Variants in DDB1 observed in about 807,000 individuals in gnomAD.
The protein encoded by DDB1 is DNA damage-binding protein 1.
A neutral mutation model predicts 133.1 loss-of-function variants in DDB1; 18 were observed. The observed-to-expected ratio is 0.14, with a 90% confidence interval of 0.09 to 0.20. DDB1 has a LOEUF of 0.20. DDB1 is among the 10% of genes least tolerant of loss of function. The pLI, the probability that DDB1 is intolerant of heterozygous loss-of-function variation, is 1.00. For synonymous variants in DDB1, 580 were observed against 550.5 expected (o/e 1.05, Z -0.75); for missense variants, 828 against 1,459.2 (o/e 0.57, Z 7.05).
chr11:61,327,784 A>T (rs1856293050), intron 4 of DDB1, among the ~76,000 whole-genome samples: 2 of 152,238 alleles, frequency 1.3e-5, no homozygotes, highest in Admixed American at 6.5e-5. Context: ...AGCCAGTGGA[A>T]GACAGCTTCA....
At chr11:61,332,019 C>G (rs1590703717) in intron 1 of DDB1, 1 of 212,924 alleles carries the variant, frequency 4.7e-6, no homozygotes, top group African/African-American at 2.3e-5. Context: ...CAGTGGCAGG[C>G]TCTAATTGAG....
In DDB1 at chr11:61,313,625, T is replaced by G; in HGVS notation, c.1943A>C (p.Asn648Thr). The G allele has an allele frequency of 1.9e-6, 3 of 1,613,990 alleles. No individual in the cohort carries two copies. The highest frequency in any genetic ancestry group is 1.7e-6 in the Non-Finnish European group (2 of 1,179,994). Residue 648 changes from asparagine to threonine, a missense_variant, in exon 16 of 27, where the codon AAC becomes ACC. By Grantham distance (65) the Asn-to-Thr change is moderately conservative. Around this residue, in one of 7 missense-constraint regions of DDB1, gnomAD observed 396 missense variants for 554.1 expected, o/e 0.71. Coordinates refer to ENST00000301764, the MANE Select transcript of DDB1 (RefSeq NM_001923.5). ...GGGGCGGTCAGAACAAGCAAAGACG[T>G]TGGTGGTAGAAAGAGAACGAAAAGT... The part of the protein sequence containing the change: ...LRTFRSLSTT[N>T]VFACSDRPTV...
chr11:61,299,836 C>T lies in DDB1; in HGVS notation c.*300G>A, dbSNP rs1016423846. ...GCACAGCTTCCTTTCAGCCAAAGAA[C>T]TGCAAAATCCTTCCCCGGAAGGAGG... On this transcript the variant is annotated 3_prime_UTR_variant, in exon 27 of 27. Transcript: ENST00000301764. 2 of 471,204 alleles carry T rather than the reference C, an allele frequency of 4.2e-6. No individual in the cohort carries two copies. Among genetic ancestry groups the T allele is most frequent in the East Asian group, 8.3e-5 (2 of 24,198 alleles). The allele number at this position is 471,204 out of a possible 1,614,324, so 29.2% of individuals were successfully genotyped here.
intron 21 of DDB1, among the ~76,000 whole-genome samples, chr11:61,304,382 A>C (rs912135417): frequency 2.6e-5 from 4 of 152,140 alleles, no homozygotes; most frequent in Non-Finnish European, 5.9e-5. Context: ...GAATTGCATG[A>C]ACCCAGGAGA....
Position 61,303,965 on chromosome 11 carries a change from G to A in DDB1, c.2732C>T (p.Ala911Val). ...TECNHYNNIM[A>V]LYLKTKGDFI... ...GTCGCCCTTGGTCTTCAGGTAGAGG[G>A]CCATGATGTTGTTGTAGTGGTTGCA... The change falls in exon 22 of 27, where the codon GCC (alanine) becomes GTC (valine). Residue 911 changes from alanine to valine, a missense_variant. Ala to Val is a moderately conservative substitution (Grantham distance 64). Around this residue, in one of 7 missense-constraint regions of DDB1, gnomAD observed 36 missense variants for 139.9 expected, o/e 0.26. Coordinates refer to ENST00000301764, the MANE Select transcript of DDB1 (RefSeq NM_001923.5). The A allele has an allele frequency of 6.2e-7, 1 of 1,614,086 alleles. No homozygotes were observed. Among genetic ancestry groups the A allele is most frequent in the Non-Finnish European group, 8.5e-7 (1 of 1,180,026 alleles).
Position 61,329,470 on chromosome 11 carries a change from C to T in DDB1, c.442G>A (p.Asp148Asn). 6.2e-7 allele frequency: 1 copy of T among 1,614,100 alleles called. No individual in the cohort carries two copies. Among genetic ancestry groups the T allele is most frequent in the Non-Finnish European group, 8.5e-7 (1 of 1,180,030 alleles). ...TTGAAGGCCTTGAGTTCTTTATTAT[C>T]GCGATCTAGTGGAATAACCTTGAAA... ...GLFKVIPLDR[D>N]NKELKAFNIR... Residue 148 changes from aspartate (D) to asparagine (N), a missense_variant, in exon 4 of 27, where the codon GAT becomes AAT. Transcript: ENST00000301764.
Position 61,310,373 on chromosome 11 carries a change from T to C in DDB1, c.2323A>G (p.Thr775Ala). 6.2e-7 allele frequency: 1 copy of C among 1,613,348 alleles called. No individual in the cohort carries two copies. Among genetic ancestry groups the C allele is most frequent in the Non-Finnish European group, 8.5e-7 (1 of 1,179,754 alleles). ...CCAAAGGAGGTCTCATGAGGAGCAGTGCTGCTGGAGAACAGCTTGCTGGAG... is the reference window on the plus strand; with the variant it reads ...CCAAAGGAGGTCTCATGAGGAGCAGCGCTGCTGGAGAACAGCTTGCTGGAG... ...VSSSKLFSSS[T>A]APHETSFGEE... Residue 775 changes from threonine to alanine, a missense_variant, in exon 19 of 27, where the codon ACT (threonine) becomes GCT (alanine). This residue lies in a region of DDB1 where 396 missense variants were observed against 554.1 expected (regional missense o/e 0.71). Coordinates refer to ENST00000301764, the MANE Select transcript of DDB1 (RefSeq NM_001923.5).
intron 1 of DDB1, chr11:61,332,429 AGCCCCAG>A (rs1208078138): frequency 1.3e-5 from 2 of 154,058 alleles, no homozygotes; most frequent in African/African-American, 4.8e-5. Context: ...TGTAAACAAC[AGCCCCAG>A]GCAAAGGGGT....
At chr11:61,305,692 C>T (rs2134897560) in intron 21 of DDB1, among the ~76,000 whole-genome samples, 1 of 149,744 alleles carries the variant, frequency 6.7e-6, no homozygotes, top group South Asian at 2.1e-4. Flanking sequence ...ACTCTCTCTC[C>T]ACACTCTCAA....
At chr11:61,310,257 G>T in intron 19 of DDB1, 38 bp downstream of exon 19, 1 of 1,589,060 alleles carries the variant, frequency 6.3e-7, no homozygotes. Flanking sequence ...GGATTAGGGA[G>T]GGCGTAGATA....
intron 10 of DDB1, among the ~76,000 whole-genome samples, chr11:61,318,311 T>C (rs2134921123): frequency 6.6e-6 from 1 of 152,342 alleles, no homozygotes. Context: ...ACTTTATACA[T>C]ATAAAGGTCA....
chr11:61,314,479 G>A lies in DDB1; in HGVS notation c.1418C>T (p.Ser473Leu), dbSNP rs745705689. ...TTGAGAGACCAACCTCACCGATGCT[G>A]AAGTGATCTAGATAAACAGCAGATG... The part of the protein sequence containing the change: ...VAHQQLIQIT[S>L]ASVRLVSQEP... Residue 473 changes from serine (S) to leucine (L), a missense_variant, in exon 13 of 27, where the codon TCA becomes TTA. Physicochemically the swap from Ser to Leu is moderately radical, Grantham distance 145. This residue lies in a region of DDB1 where 396 missense variants were observed against 554.1 expected (regional missense o/e 0.71). Transcript: ENST00000301764. The A allele has an allele frequency of 3.7e-6, 6 of 1,611,282 alleles. No homozygotes were observed. Among genetic ancestry groups the A allele is most frequent in the Non-Finnish European group, 5.1e-6 (6 of 1,178,952 alleles).
At chr11:61,323,368 C>T (rs554938363) in intron 7 of DDB1, 10 of 404,328 alleles carry the variant, frequency 2.5e-5, no homozygotes, top group African/African-American at 6.1e-5. Context: ...TAATATTAAA[C>T]TTTTTGGGAG....
rs1162949773 is a variant in DDB1 at position 61,316,707 on chromosome 11, G to A, written c.1226-140C>T. 9.1e-6 allele frequency: 8 copies of A among 881,432 alleles called. No homozygotes were observed. The African/African-American group carries it at 9.9e-5, about 11-fold the overall frequency. 54.6% of individuals were successfully genotyped at this position (881,432 alleles called of 1,614,324 possible). On this transcript the variant is annotated intron_variant, in intron 10 of 26. Coordinates refer to ENST00000301764, the MANE Select transcript of DDB1 (RefSeq NM_001923.5). ...AAGGCAGAGGCAGGAGGACTGCTTG[G>A]AACCAGGAGTTCTAGACCAGCCTGG...
chr11:61,304,543 A>T (rs1855853773), intron 21 of DDB1, among the ~76,000 whole-genome samples: 1 of 152,166 alleles, frequency 6.6e-6, no homozygotes, highest in South Asian at 2.1e-4. Flanking sequence ...GAAGAACTTG[A>T]TTCTACAGCC....
intron 22 of DDB1, 110 bp from the exon 23 acceptor site, chr11:61,303,265 A>T: frequency 1.1e-6 from 1 of 943,844 alleles, no homozygotes; most frequent in Non-Finnish European, 1.7e-6. Flanking sequence ...CCTGCAGAAG[A>T]TATAGCATGG....
intron 16 of DDB1, 107 bp downstream of exon 16, chr11:61,313,392 C>T (rs1856011278): frequency 9.8e-7 from 1 of 1,017,870 alleles, no homozygotes; most frequent in East Asian, 2.4e-5. Context: ...CTTCCCATCT[C>T]AGTTATGATT....
At position 61,316,348 on chromosome 11, in the gene DDB1, C is replaced by T. The variant is rs891721920; in HGVS notation, c.1347G>A (p.Met449Ile). The change falls in exon 12 of 27, where the codon ATG becomes ATA. Residue 449 changes from methionine to isoleucine, a missense_variant. Physicochemically the swap from Met to Ile is conservative, Grantham distance 10. Around this residue, in one of 7 missense-constraint regions of DDB1, gnomAD observed 396 missense variants for 554.1 expected, o/e 0.71. Transcript: ENST00000301764. ...AAGTCTGCTGATCATCCACGAAACC[C>T]ATCAGTTCGGTTTCTTCTACCTCCT... ...NGEEVEETEL[M>I]GFVDDQQTFF... 1.2e-6 allele frequency: 2 copies of T among 1,614,184 alleles called. No individual in the cohort carries two copies. The highest frequency in any genetic ancestry group is 2.7e-5 in the African/African-American group (2 of 75,032).
chr11:61,332,896 C>T lies in DDB1; in HGVS notation c.61+12G>A, dbSNP rs1856430980. The T allele has an allele frequency of 6.8e-7, 1 of 1,478,770 alleles. No individual in the cohort carries two copies. Among genetic ancestry groups the T allele is most frequent in the Admixed American group, 2.2e-5 (1 of 44,510 alleles). The allele number at this position is 1,478,770 out of a possible 1,614,324, so 91.6% of individuals were successfully genotyped here. On this transcript the variant is annotated intron_variant, in intron 1 of 26. Transcript: ENST00000301764. ...CCTCACTCGCCGGGGTCTCCGGCCC[C>T]GGCAGCCTCACCGGTCACGCAGCCG...
Sources: gnomAD v4.1 joint callset for allele counts (sites outside exome capture counted in the v4.1 genomes callset) on GRCh38, gnomAD v4.1.1 for gene constraint, gnomAD v4.1.1 regional missense constraint, MANE v1.5 for transcripts, NCBI Gene and HGNC (gene_info 2026-07-23, HGNC 2026-07-21) for gene names.